The following PLD4 variants were observed in gnomAD, a reference collection of about 807,000 sequenced individuals.
PLD4 encodes phospholipase D family member 4.
In PLD4, 54 loss-of-function variants were observed where a neutral mutation model predicts 52.3. The ratio of observed to expected loss-of-function variants is 1.03; its 90% CI spans 0.83 to 1.30. PLD4 has a LOEUF of 1.30. Among genes scored for constraint, PLD4 ranks in the 50% most tolerant of loss-of-function variants. The pLI is 0.00. For synonymous variants in PLD4, 264 were observed against 286.5 expected, an observed-to-expected ratio of 0.92 and a Z score of 0.79; for missense variants, 731 against 671.1, an observed-to-expected ratio of 1.09 and a Z score of -0.99.
At chr14:104,930,979 T>C (rs750399376) in intron 7 of PLD4, 37 bp downstream of exon 7, 1 of 1,601,674 alleles carries the variant, frequency 6.2e-7, no homozygotes, top group Non-Finnish European at 8.5e-7. Context: ...CAGAGGCCCC[T>C]GTTCTCCCCT....
chr14:104,930,189 T>A, intron 6 of PLD4, 84 bp downstream of exon 6: 3 of 1,559,828 alleles, frequency 1.9e-6, no homozygotes, highest in South Asian at 1.2e-5. Context: ...GACATCTCAG[T>A]GCATCTGGAG....
downstream of PLD4, chr14:104,934,034 C>A (rs1216834865): frequency 1.3e-5 from 1 of 76,350 alleles, no homozygotes; most frequent in Non-Finnish European, 2.5e-5. Flanking sequence ...GGAGGGGACC[C>A]GCGGCTGAGG....
At chr14:104,930,682 T>C (rs1010855883) in intron 6 of PLD4, 60 bp from the exon 7 acceptor site, 5 of 1,571,138 alleles carry the variant, frequency 3.2e-6, no homozygotes, top group East Asian at 2.2e-5. Context: ...CTGGGTGGAG[T>C]GGGGTGGAGG....
At position 104,932,969 on chromosome 14, in the gene PLD4, G is replaced by T. The variant is rs1471792073; in HGVS notation, c.*5G>T. 6.4e-7 allele frequency: 1 copy of T among 1,571,208 alleles called. No homozygotes were observed. Among genetic ancestry groups the T allele is most frequent in the East Asian group, 2.3e-5 (1 of 42,926 alleles). ...GACTGCGTTTGGCAGGGCTGAGGGG[G>T]GCCTCTTTTTCTCTCGGCGACCCCG... On this transcript the variant is annotated 3_prime_UTR_variant, in exon 11 of 11. Coordinates refer to ENST00000392593, the MANE Select transcript of PLD4 (RefSeq NM_138790.5). The surrounding 1 kb of genome is among the most constrained non-coding windows in gnomAD (Gnocchi z 6.5).
chr14:104,931,687 G>C (rs1566890081), intron 7 of PLD4, 61 bp from the exon 8 acceptor site: 1 of 1,532,498 alleles, frequency 6.5e-7, no homozygotes. Flanking sequence ...TGCATGGTGG[G>C]GTCACAAGTT....
chr14:104,932,502 A>G lies in PLD4; in HGVS notation c.1321+147A>G. The G allele has an allele frequency of 1.0e-6, 1 of 964,716 alleles. No individual in the cohort carries two copies. Among genetic ancestry groups the G allele is most frequent in the Non-Finnish European group, 1.5e-6 (1 of 656,020 alleles). 59.8% of individuals were successfully genotyped at this position (964,716 alleles called of 1,614,324 possible). On this transcript the variant is annotated intron_variant, in intron 10 of 10. Transcript: ENST00000392593. This position sits in a 1 kb window ranked among gnomAD's most constrained non-coding sequence, Gnocchi z 6.5. ...GGGTCTCCATGGAGTTCCGGGGACC[A>G]GGCCACCCGCCTGTCACCTGGCCCC...
Position 104,928,893 on chromosome 14 carries a change from A to G in PLD4, c.429A>G (p.Thr143=), listed in dbSNP as rs1317223788. Residue 143 remains threonine, a synonymous_variant, in exon 4 of 11, where the codon ACA becomes ACG. Transcript: ENST00000392593. ...VHVASYYWSL[T]GPDIGVNDSS... ...TGGCTTCATACTACTGGTCCCTCACAGGGCCTGACATCGGGGTCAACGACT... is the reference window on the plus strand; with the variant it reads ...TGGCTTCATACTACTGGTCCCTCACGGGGCCTGACATCGGGGTCAACGACT... The G allele has an allele frequency of 1.9e-6, 3 of 1,608,786 alleles. No homozygotes were observed. The highest frequency in any genetic ancestry group is 1.7e-5 in the Admixed American group (1 of 59,930).
At chr14:104,925,733 T>G (rs889294002) in intron 1 of PLD4, among the ~76,000 whole-genome samples, 1 of 151,234 alleles carries the variant, frequency 6.6e-6, no homozygotes, top group African/African-American at 2.4e-5. Context: ...CTGGGGACAG[T>G]GGGGACACGG....
intron 1 of PLD4, among the ~76,000 whole-genome samples, chr14:104,926,105 C>A (rs1034759498): frequency 1.3e-5 from 2 of 151,990 alleles, no homozygotes; most frequent in Admixed American, 1.3e-4. Flanking sequence ...GGTGGACAGC[C>A]GACCCACCGA....
At chr14:104,930,205 C>T (rs1208037197) in intron 6 of PLD4, 100 bp downstream of exon 6, 1 of 1,482,378 alleles carries the variant, frequency 6.7e-7, no homozygotes, top group East Asian at 2.3e-5. Flanking sequence ...TGGAGAAAGT[C>T]GTGTAGTCCT....
rs940045487 is a variant in PLD4, at chr14:104,928,918, T to A, written c.454T>A (p.Ser152Thr). Reference sequence around the variant, plus strand: ...AGGGCCTGACATCGGGGTCAACGACTCGTCTTCCCAGCTGGTGCGCCCCGC... The same window carrying A: ...AGGGCCTGACATCGGGGTCAACGACACGTCTTCCCAGCTGGTGCGCCCCGC... ...LTGPDIGVND[S>T]SSQLGEALLQ... Residue 152 changes from serine to threonine, a missense_variant, in exon 4 of 11, where the codon TCG (serine) becomes ACG (threonine). By Grantham distance (58) the Ser-to-Thr change is moderately conservative. Transcript: ENST00000392593. 3 of 1,600,490 alleles carry A rather than the reference T, an allele frequency of 1.9e-6. No homozygotes were observed. Among genetic ancestry groups the A allele is most frequent in the Non-Finnish European group, 2.6e-6 (3 of 1,169,994 alleles).
rs775715860 is a variant in PLD4, at chr14:104,931,843, C to T, written c.1014C>T (p.Ser338=). Residue 338 remains serine, a synonymous_variant, in exon 8 of 11, where the codon TCC becomes TCT. Coordinates refer to ENST00000392593, the MANE Select transcript of PLD4 (RefSeq NM_138790.5). ...MGSAQEFIYA[S]VMEYFPTTRF... ...GCGCCCAGGAGTTCATCTATGCCTC[C>T]GTGATGGAGTATTTCCCCACCACGC... The T allele has an allele frequency of 5.8e-6, 9 of 1,560,656 alleles. No homozygotes were observed. Among genetic ancestry groups the T allele is most frequent in the Non-Finnish European group, 6.9e-6 (8 of 1,151,646 alleles).
chr14:104,926,956 C>T (rs900912289), intron 1 of PLD4, 185 bp from the exon 2 acceptor site: 58 of 462,516 alleles, frequency 1.3e-4, no homozygotes, highest in Middle Eastern at 5.6e-4. Flanking sequence ...AACACCCACA[C>T]GGCTTGTCCT....
At chr14:104,926,300 C>T (rs1376819201) in intron 1 of PLD4, among the ~76,000 whole-genome samples, 3 of 152,204 alleles carry the variant, frequency 2.0e-5, no homozygotes, top group South Asian at 2.1e-4. Context: ...CTCCCTGCAC[C>T]CGGGGAGGGC....
rs1159081004 is a variant in PLD4 at position 104,932,972 on chromosome 14, C to T, written c.*8C>T. 10 of 1,559,396 alleles carry T rather than the reference C, an allele frequency of 6.4e-6. No homozygotes were observed. In the East Asian group the frequency reaches 7.1e-5, roughly 11 times the overall value. ...TGCGTTTGGCAGGGCTGAGGGGGGC[C>T]TCTTTTTCTCTCGGCGACCCCGCCC... On this transcript the variant is annotated 3_prime_UTR_variant, in exon 11 of 11. Transcript: ENST00000392593. The surrounding 1 kb of genome is among the most constrained non-coding windows in gnomAD (Gnocchi z 6.5).
Position 104,930,737 on chromosome 14 carries a change from T to C in PLD4, c.718-5T>C, listed in dbSNP as rs1292313414. ...TCCCACAGCGCCTGACTTTGGTCCC[T>C]GCAGGTGAAGGAGCTTGGCGCTGTC... On this transcript the variant is annotated splice_polypyrimidine_tract_variant and splice_region_variant and intron_variant, in intron 6 of 10. Coordinates refer to ENST00000392593, the MANE Select transcript of PLD4 (RefSeq NM_138790.5). 3 of 1,613,170 alleles carry C rather than the reference T, an allele frequency of 1.9e-6. No individual in the cohort carries two copies. Among genetic ancestry groups the C allele is most frequent in the Admixed American group, 3.3e-5 (2 of 60,026 alleles).
rs1242632425 is a variant in PLD4 at position 104,924,960 on chromosome 14, C to T, written c.-31C>T. The T allele has an allele frequency of 6.5e-6, 1 of 152,796 alleles. No homozygotes were observed. Among genetic ancestry groups the T allele is most frequent in the Non-Finnish European group, 1.5e-5 (1 of 68,534 alleles). The allele number at this position is 152,796 out of a possible 1,614,324, so 9.5% of individuals were successfully genotyped here. ...AGGGCCTGCAGTCTGCGGCTGGAAT[C>T]AGGATAGACACCAAGGCAGGACCCC... On this transcript the variant is annotated 5_prime_UTR_variant, in exon 1 of 11. Transcript: ENST00000392593. This position sits in a 1 kb window ranked among gnomAD's most constrained non-coding sequence, Gnocchi z 4.4.
chr14:104,933,102 T>C lies in PLD4; in HGVS notation c.*138T>C. On this transcript the variant is annotated 3_prime_UTR_variant, in exon 11 of 11. Transcript: ENST00000392593. Reference sequence around the variant, plus strand: ...GGAGCCGCCTGCGACCGCCCGGGCGTCGCAAACCGCCCGCCTGCTCTCTGA... The same window carrying C: ...GGAGCCGCCTGCGACCGCCCGGGCGCCGCAAACCGCCCGCCTGCTCTCTGA... The C allele has an allele frequency of 1.0e-6, 1 of 984,018 alleles. No homozygotes were observed. Among genetic ancestry groups the C allele is most frequent in the Non-Finnish European group, 1.4e-6 (1 of 708,408 alleles). The allele number at this position is 984,018 out of a possible 1,614,324, so 61.0% of individuals were successfully genotyped here.
At chr14:104,927,251 G>C (rs781679131) in intron 2 of PLD4, 21 bp downstream of exon 2, 35 of 1,522,328 alleles carry the variant, frequency 2.3e-5, no homozygotes, top group East Asian at 1.5e-4. Context: ...GGGGCCCCAG[G>C]GGGGAGGTGG....
Sources: allele counts gnomAD v4.1 joint callset (sites outside exome capture counted in the v4.1 genomes callset), GRCh38; gene constraint gnomAD v4.1.1; non-coding constraint Gnocchi (gnomAD v3.1); transcripts MANE v1.5; gene names NCBI Gene and HGNC (gene_info 2026-07-23, HGNC 2026-07-21).